ENTPD4: variants seen among roughly 807,000 people sequenced by gnomAD.
The protein encoded by ENTPD4 is Golgi UDPase.
ENTPD4 carries 60 observed loss-of-function variants against 79.1 expected under a neutral mutation model. That is an observed-to-expected ratio of 0.76 (90% CI 0.62 to 0.94). The LOEUF (loss-of-function observed/expected upper bound fraction) is 0.94, where lower values mean the gene tolerates loss of function less well. Ranked by LOEUF, ENTPD4 falls within the 40% of genes least tolerant of loss-of-function variation. ENTPD4 has a pLI of 0.00. For synonymous variants in ENTPD4, 276 were observed against 292.0 expected (o/e 0.95, Z 0.56); for missense variants, 772 against 775.1 (o/e 1.00, Z 0.05).
Position 23,429,661 on chromosome 8 carries a change from TAA to T in ENTPD4, c.*3263_*3264del. 1.0e-6 allele frequency: 1 copy of T among 985,396 alleles called. No individual in the cohort carries two copies. The highest frequency in any genetic ancestry group is 1.2e-6 in the Non-Finnish European group (1 of 829,898). The allele number at this position is 985,396 out of a possible 1,614,324, so 61.0% of individuals were successfully genotyped here. A position where few individuals can be genotyped will look rare whatever the true frequency, so the allele number is the denominator to read the frequency against. On this transcript the variant is annotated 3_prime_UTR_variant, in exon 13 of 13. Coordinates refer to ENST00000358689, the MANE Select transcript of ENTPD4 (RefSeq NM_004901.5). ...AAATATCTGTTTATCCAGAGTTTGT[TAA>T]TCTAGAGTACACAGATGTGGAAAAC...
Position 23,448,821 on chromosome 8 carries a change from CA to C in ENTPD4, c.126del (p.Ala43LeufsTer11). 1 of 1,614,128 alleles carries C rather than the reference CA, an allele frequency of 6.2e-7. No individual in the cohort carries two copies. The highest frequency in any genetic ancestry group is 1.6e-4 in the Middle Eastern group (1 of 6,062). On this transcript the variant is annotated frameshift_variant, in exon 3 of 13. Coordinates refer to ENST00000358689, the MANE Select transcript of ENTPD4 (RefSeq NM_004901.5). LOFTEE classifies it high-confidence loss of function. ...ACAGAAAAATATAAAAGTGAAACAGCAGCAGCCAGGACACTAATGACCATAA... is the reference window on the plus strand; with the variant it reads ...ACAGAAAAATATAAAAGTGAAACAGCGCAGCCAGGACACTAATGACCATAA... ...RQIMVISVLA[A>X]AVSLLYFSVV...
In ENTPD4 at chr8:23,433,110, C is replaced by A. The variant is rs781204181; in HGVS notation, c.1667G>T (p.Arg556Leu). ...GTGGTTGTAGACAAAGGAAACGCCC[C>A]GCCAGTGGGTGTGACTGGCTCGGAA... The part of the protein sequence containing the change: ...EAFRASHTHW[R>L]GVSFVYNHYL... Residue 556 changes from arginine (R) to leucine (L), a missense_variant, in exon 13 of 13, where the codon CGG (arginine) becomes CTG (leucine). By Grantham distance (102) the Arg-to-Leu change is moderately radical. Coordinates refer to ENST00000358689, the MANE Select transcript of ENTPD4 (RefSeq NM_004901.5). 1.9e-6 allele frequency: 3 copies of A among 1,614,178 alleles called. No individual in the cohort carries two copies. The highest frequency in any genetic ancestry group is 2.2e-5 in the East Asian group (1 of 44,866).
At chr8:23,441,902 C>T in intron 7 of ENTPD4, 105 bp downstream of exon 7, 1 of 1,161,182 alleles carries the variant, frequency 8.6e-7, no homozygotes, top group Admixed American at 1.8e-5. Context: ...TCTACTCCTA[C>T]ACGCTTAGGA....
chr8:23,453,617 C>A (rs547571715), intron 1 of ENTPD4, among the ~76,000 whole-genome samples: 1 of 152,292 alleles, frequency 6.6e-6, no homozygotes, highest in South Asian at 2.1e-4. Flanking sequence ...TATTGACAGA[C>A]ATGAAGGCCT....
chr8:23,431,420 T>C lies in ENTPD4; in HGVS notation c.*1506A>G. The C allele has an allele frequency of 3.0e-6, 3 of 985,402 alleles. No individual in the cohort carries two copies. Among genetic ancestry groups the C allele is most frequent in the Non-Finnish European group, 3.6e-6 (3 of 829,900 alleles). The allele number at this position is 985,402 out of a possible 1,614,324, so 61.0% of individuals were successfully genotyped here. On this transcript the variant is annotated 3_prime_UTR_variant, in exon 13 of 13. Transcript: ENST00000358689. ...TCCACCTAAAAAAACTGTACGAGAATTCCCCAAACTTCTCAACTAAATAAA... is the reference window on the plus strand; with the variant it reads ...TCCACCTAAAAAAACTGTACGAGAACTCCCCAAACTTCTCAACTAAATAAA...
chr8:23,434,426 A>C lies in ENTPD4; in HGVS notation c.1513T>G (p.Ser505Ala). ...AAGCTTTTATAGTTGACAGGAAACG[A>C]AAAGCCCCTATGAAACACCTCAAAC... is the stretch of plus-strand genomic sequence containing the variant. ...WMFEVFHRGFSFPVNYKSLKT... is the reference protein window; with the variant it reads ...WMFEVFHRGFAFPVNYKSLKT... The change falls in exon 12 of 13, where the codon TCG (serine) becomes GCG (alanine). Residue 505 changes from serine (S) to alanine (A), a missense_variant. By Grantham distance (99) the Ser-to-Ala change is moderately conservative (BLOSUM62 1). Transcript: ENST00000358689. 1 of 1,614,220 alleles carries C rather than the reference A, an allele frequency of 6.2e-7. No individual in the cohort carries two copies. Among genetic ancestry groups the C allele is most frequent in the East Asian group, 2.2e-5 (1 of 44,890 alleles).
chr8:23,435,245 T>C (rs1379152956), intron 11 of ENTPD4, 147 bp downstream of exon 11: 5 of 615,238 alleles, frequency 8.1e-6, no homozygotes, highest in Non-Finnish European at 1.5e-5. Flanking sequence ...GCACAAGTAT[T>C]TGTCCCGTTT....
At chr8:23,457,335 G>A (rs1475204778) in intron 1 of ENTPD4, among the ~76,000 whole-genome samples, 1 of 152,074 alleles carries the variant, frequency 6.6e-6, no homozygotes, top group African/African-American at 2.4e-5. Flanking sequence ...CGCGCCGGCC[G>A]CCAGGGCTCA....
At chr8:23,454,132 T>G (rs1358717623) in intron 1 of ENTPD4, among the ~76,000 whole-genome samples, 1 of 152,216 alleles carries the variant, frequency 6.6e-6, no homozygotes, top group Non-Finnish European at 1.5e-5. Flanking sequence ...TATATTAATT[T>G]TATCATCAGA....
intron 8 of ENTPD4, among the ~76,000 whole-genome samples, chr8:23,440,513 A>C (rs1800649516): frequency 6.6e-6 from 1 of 152,216 alleles, no homozygotes; most frequent in Non-Finnish European, 1.5e-5. Context: ...ATTTATTCCA[A>C]ACGTTATTTC....
chr8:23,435,815 T>G (rs1161922674), intron 10 of ENTPD4, among the ~76,000 whole-genome samples: 1 of 152,206 alleles, frequency 6.6e-6, no homozygotes, highest in Non-Finnish European at 1.5e-5. Flanking sequence ...TTTAGCTACT[T>G]CAAACTAAGT....
intron 9 of ENTPD4, among the ~76,000 whole-genome samples, chr8:23,439,525 G>C (rs531231682): frequency 2.0e-5 from 3 of 152,324 alleles, no homozygotes; most frequent in Middle Eastern, 3.4e-3. Flanking sequence ...GCGGGTGAGA[G>C]AGCGCACGCA....
intron 12 of ENTPD4, 186 bp downstream of exon 12, chr8:23,434,131 G>A (rs1437798679): frequency 3.0e-6 from 2 of 668,922 alleles, no homozygotes; most frequent in Non-Finnish European, 5.1e-6. Flanking sequence ...GGATGGTAGG[G>A]TGAGAAGGGA....
intron 4 of ENTPD4, among the ~76,000 whole-genome samples, chr8:23,444,997 G>A (rs905612742): frequency 3.9e-5 from 6 of 152,162 alleles, no homozygotes; most frequent in Non-Finnish European, 7.4e-5. Flanking sequence ...GCCTCCAGGT[G>A]AGCGTGGGGT....
chr8:23,429,554 A>T lies in ENTPD4; in HGVS notation c.*3372T>A, dbSNP rs534679925. On this transcript the variant is annotated 3_prime_UTR_variant, in exon 13 of 13. Coordinates refer to ENST00000358689, the MANE Select transcript of ENTPD4 (RefSeq NM_004901.5). ...TTTTTTCTTAAAGGATGAAAAACTC[A>T]TTTGCCATTTTTAGTTTCTTGCTAA... 1.1e-4 allele frequency: 110 copies of T among 985,332 alleles called. No homozygotes were observed. The highest frequency in any genetic ancestry group is 1.3e-4 in the Non-Finnish European group (110 of 829,920). The allele number at this position is 985,332 out of a possible 1,614,324, so 61.0% of individuals were successfully genotyped here.
Position 23,430,703 on chromosome 8 carries a change from C to G in ENTPD4, c.*2223G>C. 1 of 985,476 alleles carries G rather than the reference C, an allele frequency of 1.0e-6. No homozygotes were observed. The highest frequency in any genetic ancestry group is 1.2e-6 in the Non-Finnish European group (1 of 829,996). 61.0% of individuals were successfully genotyped at this position (985,476 alleles called of 1,614,324 possible). A position where few individuals can be genotyped will look rare whatever the true frequency, so the allele number is the denominator to read the frequency against. ...CAGGTATGTGACTAACTCTTCTATGCCCAGAGCTGGAAGGCGGGGTCCCCT... is the reference window on the plus strand; with the variant it reads ...CAGGTATGTGACTAACTCTTCTATGGCCAGAGCTGGAAGGCGGGGTCCCCT... On this transcript the variant is annotated 3_prime_UTR_variant, in exon 13 of 13. Transcript: ENST00000358689.
intron 2 of ENTPD4, among the ~76,000 whole-genome samples, chr8:23,449,346 C>G (rs948234213): frequency 3.9e-5 from 6 of 152,146 alleles, no homozygotes; most frequent in African/African-American, 1.4e-4. Context: ...AAAGGCATGT[C>G]GTAAGCTGGG....
chr8:23,457,094 T>A (rs1800971513), intron 1 of ENTPD4, among the ~76,000 whole-genome samples: 1 of 152,212 alleles, frequency 6.6e-6, no homozygotes, highest in African/African-American at 2.4e-5. Flanking sequence ...TACTGCCCAA[T>A]AAGCTCCATT....
chr8:23,448,559 C>T (rs1800802616), intron 3 of ENTPD4, among the ~76,000 whole-genome samples, 183 bp downstream of exon 3: 1 of 152,136 alleles, frequency 6.6e-6, no homozygotes, highest in South Asian at 2.1e-4. Context: ...AGGAATCAGG[C>T]CCTCACCACA....
Sources: gnomAD v4.1 joint callset for allele counts (sites outside exome capture counted in the v4.1 genomes callset) on GRCh38, gnomAD v4.1.1 for gene constraint, MANE v1.5 for transcripts, NCBI Gene and HGNC (gene_info 2026-07-23, HGNC 2026-07-21) for gene names.